The following SLC6A15 variants were observed in gnomAD, a reference collection of about 807,000 sequenced individuals.
The protein encoded by SLC6A15 is solute carrier family 6 member 15.
In SLC6A15, 33 loss-of-function variants were observed where a neutral mutation model predicts 68.5. The observed-to-expected ratio is 0.48, with a 90% CI of 0.37 to 0.64. The LOEUF (loss-of-function observed/expected upper bound fraction) is 0.64. Among genes scored for constraint, SLC6A15 ranks in the 30% least tolerant of loss-of-function variants. The probability of loss-of-function intolerance (pLI) is 0.00; values close to 1 mark genes in which losing one functional copy is unlikely to be tolerated. For missense variants in SLC6A15, 747 were observed against 874.3 expected (o/e 0.85, Z 1.84); for synonymous variants, 347 against 301.0 (o/e 1.15, Z -1.58).
intron 1 of SLC6A15, among the ~76,000 whole-genome samples, chr12:84,897,422 C>A (rs1428559560): frequency 6.6e-6 from 1 of 151,840 alleles, no homozygotes; most frequent in Non-Finnish European, 1.5e-5. Context: ...TAGCCAAACA[C>A]AATAATACAA....
intron 9 of SLC6A15, among the ~76,000 whole-genome samples, chr12:84,869,758 G>A (rs894312797): frequency 2.6e-5 from 4 of 151,882 alleles, no homozygotes; most frequent in African/African-American, 9.7e-5. Flanking sequence ...ATTCTTATAT[G>A]TAAAATCCAT....
At chr12:84,870,755 A>AT (rs1871254498) in intron 8 of SLC6A15, 85 bp from the exon 9 acceptor site, 1 of 764,390 alleles carries the variant, frequency 1.3e-6, no homozygotes, top group African/African-American at 1.8e-5. Flanking sequence ...AGGAGGAAAG[A>AT]TCTCTGAATA....
Position 84,882,359 on chromosome 12 carries a change from A to G in SLC6A15, c.756+1500T>C, listed in dbSNP as rs1185513334. 6 of 982,598 alleles carry G rather than the reference A, an allele frequency of 6.1e-6. No homozygotes were observed. In the African/African-American group the frequency reaches 8.7e-5, roughly 14 times the overall value. 60.9% of individuals were successfully genotyped at this position (982,598 alleles called of 1,614,324 possible). A position where few individuals can be genotyped will look rare whatever the true frequency, so the allele number is the denominator to read the frequency against. ...ACAATTCGAAGTTATTTAGTCATAT[A>G]ATACAATAACATTGCCAAAGACTTA... On this transcript the variant is annotated intron_variant, in intron 5 of 11. Coordinates refer to ENST00000266682, the MANE Select transcript of SLC6A15 (RefSeq NM_182767.6).
chr12:84,901,005 T>A (rs1277926592), intron 1 of SLC6A15, among the ~76,000 whole-genome samples: 1 of 130,068 alleles, frequency 7.7e-6, no homozygotes, highest in African/African-American at 3.1e-5. Context: ...GATATGTATA[T>A]ATATACATAC....
At chr12:84,905,508 C>T (rs111709562) in intron 1 of SLC6A15, among the ~76,000 whole-genome samples, 6,216 of 152,136 alleles carry the variant, frequency 0.041, 395 homozygotes, top group African/African-American at 0.14. Context: ...TAAAAACGTC[C>T]ACTCTCACAC....
chr12:84,907,709 T>A (rs990906552), intron 1 of SLC6A15, among the ~76,000 whole-genome samples: 2 of 152,172 alleles, frequency 1.3e-5, no homozygotes, highest in Non-Finnish European at 1.5e-5. Flanking sequence ...TTATCCCAGA[T>A]AAATGAAAAT....
intron 9 of SLC6A15, 80 bp downstream of exon 9, chr12:84,870,398 C>T (rs1871236579): frequency 1.0e-6 from 1 of 961,276 alleles, no homozygotes; most frequent in Non-Finnish European, 1.5e-6. Flanking sequence ...ATAAGACTTT[C>T]CACTTTTCAT....
intron 8 of SLC6A15, 137 bp from the exon 9 acceptor site, chr12:84,870,807 T>G (rs1871256506): frequency 2.0e-6 from 1 of 497,038 alleles, no homozygotes. Flanking sequence ...AAATCAGCTC[T>G]TAACCTGATA....
intron 1 of SLC6A15, among the ~76,000 whole-genome samples, chr12:84,895,737 T>G (rs913813492): frequency 1.3e-5 from 2 of 152,180 alleles, no homozygotes; most frequent in African/African-American, 4.8e-5. Flanking sequence ...AGTAAATAGA[T>G]AAATTTAGTT....
At chr12:84,878,335 T>C (rs962256849) in intron 5 of SLC6A15, among the ~76,000 whole-genome samples, 2 of 152,188 alleles carry the variant, frequency 1.3e-5, no homozygotes, top group Admixed American at 1.3e-4. Flanking sequence ...TTCGGATGGA[T>C]TTTTTCATTC....
intron 1 of SLC6A15, among the ~76,000 whole-genome samples, chr12:84,901,408 C>T (rs1301588810): frequency 6.6e-6 from 1 of 151,586 alleles, no homozygotes; most frequent in South Asian, 2.1e-4. Flanking sequence ...CTATAATATT[C>T]CACAGTTTTT....
In SLC6A15 at chr12:84,892,162, C is replaced by T. The variant is rs763404537; in HGVS notation, c.-42G>A. The T allele has an allele frequency of 1.4e-4, 162 of 1,170,300 alleles. No homozygotes were observed. Among genetic ancestry groups the T allele is most frequent in the Non-Finnish European group, 1.9e-4 (152 of 815,390 alleles). 72.5% of individuals were successfully genotyped at this position (1,170,300 alleles called of 1,614,324 possible). On this transcript the variant is annotated 5_prime_UTR_variant, in exon 2 of 12. Transcript: ENST00000266682. ...TATTTAAAAAAAAAAAAAAAAACTC[C>T]CTTATGGCAAATGTGTTAACTCTAT...
intron 4 of SLC6A15, 109 bp downstream of exon 4, chr12:84,885,326 T>C: frequency 9.6e-7 from 1 of 1,037,076 alleles, no homozygotes; most frequent in Non-Finnish European, 1.3e-6. Context: ...AATGATAATT[T>C]TGAATGATGT....
At chr12:84,883,132 G>C (rs966279908) in intron 5 of SLC6A15, 1 of 949,222 alleles carries the variant, frequency 1.1e-6, no homozygotes, top group Non-Finnish European at 1.2e-6. Context: ...GAGAGCTTTA[G>C]AACAATGGCT....
chr12:84,881,860 A>G, intron 5 of SLC6A15: 1 of 985,310 alleles, frequency 1.0e-6, no homozygotes, highest in Non-Finnish European at 1.2e-6. Context: ...GAATTGTGAC[A>G]ATTTTGGCTT....
chr12:84,878,637 T>C (rs1227606252), intron 5 of SLC6A15, among the ~76,000 whole-genome samples: 1 of 152,064 alleles, frequency 6.6e-6, no homozygotes, highest in African/African-American at 2.4e-5. Flanking sequence ...ATATGCTTTT[T>C]AATTTTGTTT....
intron 9 of SLC6A15, 121 bp from the exon 10 acceptor site, chr12:84,867,314 G>C (rs1452305319): frequency 2.7e-6 from 2 of 749,006 alleles, no homozygotes; most frequent in Non-Finnish European, 4.0e-6. Context: ...CATATAAACA[G>C]GCAATACCTT....
At chr12:84,880,399 G>A (rs550024151) in intron 5 of SLC6A15, among the ~76,000 whole-genome samples, 2 of 152,188 alleles carry the variant, frequency 1.3e-5, no homozygotes, top group South Asian at 2.1e-4. Flanking sequence ...CCTATTCACT[G>A]TATTTATACC....
Position 84,883,904 on chromosome 12 carries a change from G to A in SLC6A15, c.711C>T (p.Val237=), listed in dbSNP as rs776622500. 1 of 1,614,066 alleles carries A rather than the reference G, an allele frequency of 6.2e-7. No individual in the cohort carries two copies. The highest frequency in any genetic ancestry group is 2.2e-5 in the East Asian group (1 of 44,856). ...KMTICLLAAW[V]MVCLAMIKGI... is the part of the protein sequence containing the mutation. ...CTTTGATCATAGCCAAGCAAACCAT[G>A]ACCCAGGCAGCCAACAAGCAGATGG... Residue 237 remains valine, a synonymous_variant, in exon 5 of 12, where the codon GTC becomes GTT. Transcript: ENST00000266682.
Sources: allele counts gnomAD v4.1 joint callset (sites outside exome capture counted in the v4.1 genomes callset), GRCh38; gene constraint gnomAD v4.1.1; transcripts MANE v1.5; gene names NCBI Gene and HGNC (gene_info 2026-07-23, HGNC 2026-07-21).